Variants in ADK observed in about 807,000 individuals in gnomAD.
ADK encodes the protein adenosine kinase.
A neutral mutation model predicts 44.7 loss-of-function variants in ADK; 24 were observed. That is an observed-to-expected ratio of 0.54 (90% confidence interval 0.39 to 0.76). The LOEUF is 0.76. Among genes scored for constraint, ADK ranks in the 30% least tolerant of loss-of-function variants. ADK has a pLI of 0.00. For missense variants in ADK, 321 were observed against 425.1 expected (o/e 0.76, Z 2.15); for synonymous variants, 128 against 142.6 (o/e 0.90, Z 0.73).
chr10:74,527,803 G>C lies in ADK; in HGVS notation c.726+2377G>C, dbSNP rs766579047. 6.6e-4 allele frequency: 984 copies of C among 1,501,360 alleles called. 2 individuals carry two copies. Among genetic ancestry groups the C allele is most frequent in the Non-Finnish European group, 8.3e-4 (897 of 1,077,210 alleles). 93.0% of individuals were successfully genotyped at this position (1,501,360 alleles called of 1,614,324 possible). ...AAACCTGACATGTGGGCATACTTCA[G>C]CGATCCTTAATAGAGTGGCCCTCTT... On this transcript the variant is annotated intron_variant, in intron 7 of 10. Coordinates refer to ENST00000539909, the MANE Select transcript of ADK (RefSeq NM_006721.4).
intron 3 of ADK, among the ~76,000 whole-genome samples, chr10:74,231,980 A>C (rs779024694): frequency 7.3e-6 from 1 of 136,576 alleles, no homozygotes; most frequent in African/African-American, 2.8e-5. Context: ...TTTTTCTTTT[A>C]CTGATATGGT....
At chr10:74,705,295 CAG>C (rs1212570093) in intron 10 of ADK, among the ~76,000 whole-genome samples, 11 of 6,416 alleles carry the variant, frequency 1.7e-3, no homozygotes, top group Non-Finnish European at 2.6e-3. Context: ...TGCAGCAGCT[CAG>C]CAGCTCAGGT....
intron 3 of ADK, among the ~76,000 whole-genome samples, chr10:74,277,011 C>A (rs1273132262): frequency 6.6e-6 from 1 of 152,032 alleles, no homozygotes; most frequent in African/African-American, 2.4e-5. Flanking sequence ...TCCACTTCCC[C>A]AGTTCAAGCG....
intron 7 of ADK, among the ~76,000 whole-genome samples, chr10:74,556,481 G>GA (rs372438586): frequency 4.6e-5 from 7 of 152,178 alleles, no homozygotes; most frequent in African/African-American, 1.7e-4. Flanking sequence ...TGAGCTAAAA[G>GA]AACAGTTTCA....
At chr10:74,574,166 CTT>C (rs746368755) in intron 7 of ADK, among the ~76,000 whole-genome samples, 21 of 134,886 alleles carry the variant, frequency 1.6e-4, no homozygotes, top group Admixed American at 2.2e-4. Context: ...TACTTTCTTT[CTT>C]TTTTTTTTTT....
At chr10:74,331,203 A>T (rs546728171) in intron 4 of ADK, among the ~76,000 whole-genome samples, 2 of 152,348 alleles carry the variant, frequency 1.3e-5, no homozygotes, top group South Asian at 4.1e-4. Context: ...CTTCTTACAG[A>T]TGGAAGGAAA....
chr10:74,558,163 A>G (rs1445468531), intron 7 of ADK, among the ~76,000 whole-genome samples: 1 of 152,202 alleles, frequency 6.6e-6, no homozygotes, highest in African/African-American at 2.4e-5. Flanking sequence ...TCAAAGGTCT[A>G]TGTGACAGCA....
At position 74,151,276 on chromosome 10, in the gene ADK, A is replaced by C. The variant is rs753897604; in HGVS notation, c.-3A>C. The C allele has an allele frequency of 1.9e-6, 3 of 1,549,526 alleles. No homozygotes were observed. In the African/African-American group the frequency reaches 4.1e-5, roughly 21 times the overall value. On this transcript the variant is annotated 5_prime_UTR_variant, in exon 1 of 11. Transcript: ENST00000539909. Reference sequence around the variant, plus strand: ...AGAGCCAAAGTGGGGTGGGAGCGCGAAGATGGCAGCTGCTGAGGAGGAGCC... The same window carrying C: ...AGAGCCAAAGTGGGGTGGGAGCGCGCAGATGGCAGCTGCTGAGGAGGAGCC...
chr10:74,303,382 A>G (rs894617735), intron 3 of ADK, among the ~76,000 whole-genome samples: 2 of 152,184 alleles, frequency 1.3e-5, no homozygotes, highest in African/African-American at 2.4e-5. Flanking sequence ...CAATAGGATT[A>G]AAAACACACT....
chr10:74,163,174 G>A (rs1269723776), intron 1 of ADK, among the ~76,000 whole-genome samples: 2 of 152,038 alleles, frequency 1.3e-5, no homozygotes, highest in Non-Finnish European at 2.9e-5. Flanking sequence ...CACCATGTTA[G>A]CCAGGATGTT....
intron 2 of ADK, among the ~76,000 whole-genome samples, chr10:74,202,476 A>C (rs1243664128): frequency 2.6e-5 from 4 of 152,212 alleles, no homozygotes; most frequent in South Asian, 4.1e-4. Context: ...TTGGGTATAC[A>C]CATAGGAGTG....
intron 6 of ADK, among the ~76,000 whole-genome samples, chr10:74,458,490 A>C (rs1244082677): frequency 6.6e-6 from 1 of 151,990 alleles, no homozygotes; most frequent in South Asian, 2.1e-4. Context: ...ATAGATAACC[A>C]AGAAAATTTA....
intron 2 of ADK, among the ~76,000 whole-genome samples, chr10:74,214,563 A>G (rs764795422): frequency 8.5e-5 from 13 of 152,220 alleles, no homozygotes; most frequent in Non-Finnish European, 1.5e-4. Context: ...AACATTAGGC[A>G]TGGCACCTCT....
intron 9 of ADK, among the ~76,000 whole-genome samples, chr10:74,641,997 A>G (rs1564832501): frequency 6.6e-6 from 1 of 152,284 alleles, no homozygotes; most frequent in South Asian, 2.1e-4. Flanking sequence ...CAGTAATTCA[A>G]ATATATTATT....
chr10:74,355,975 T>C (rs1592092756), intron 4 of ADK, among the ~76,000 whole-genome samples: 1 of 147,672 alleles, frequency 6.8e-6, no homozygotes, highest in Non-Finnish European at 1.5e-5. Flanking sequence ...TGTGTGTATG[T>C]ATCTGAAATA....
At chr10:74,242,344 A>G (rs990594932) in intron 3 of ADK, among the ~76,000 whole-genome samples, 2 of 152,228 alleles carry the variant, frequency 1.3e-5, no homozygotes, top group African/African-American at 2.4e-5. Context: ...TGTAATTTCC[A>G]TAAGGGAATG....
intron 6 of ADK, among the ~76,000 whole-genome samples, chr10:74,405,474 A>T (rs558178704): frequency 1.6e-4 from 24 of 146,268 alleles, no homozygotes; most frequent in Non-Finnish European, 3.0e-4. Context: ...CTTTTTTTTT[A>T]GATTTTATTA....
chr10:74,204,060 G>A (rs1473679997), intron 2 of ADK, among the ~76,000 whole-genome samples: 1 of 148,876 alleles, frequency 6.7e-6, no homozygotes, highest in Non-Finnish European at 1.5e-5. Flanking sequence ...GGGTTGAAGC[G>A]ATTCTACTGC....
At chr10:74,385,517 G>C (rs112448780) in intron 4 of ADK, among the ~76,000 whole-genome samples, 1 of 152,178 alleles carries the variant, frequency 6.6e-6, no homozygotes, top group Admixed American at 6.5e-5. Flanking sequence ...GCCTACAAAA[G>C]AGATAGAGAA....
Sources: allele counts gnomAD v4.1 joint callset (sites outside exome capture counted in the v4.1 genomes callset), GRCh38; gene constraint gnomAD v4.1.1; transcripts MANE v1.5; gene names NCBI Gene and HGNC (gene_info 2026-07-23, HGNC 2026-07-21).